CHD8: variants seen among roughly 807,000 people sequenced by gnomAD.
The protein encoded by CHD8 is ATP-dependent chromatin remodeler CHD8.
In CHD8, 31 loss-of-function variants were observed where a neutral mutation model predicts 279.2. That is an observed-to-expected ratio of 0.11 (90% CI 0.08 to 0.15). CHD8 has a LOEUF of 0.15. CHD8 is among the 10% of genes least tolerant of loss of function. The pLI is 1.00. For missense variants in CHD8, 2,146 were observed against 3,230.5 expected (o/e 0.66, Z 8.14); for synonymous variants, 1,081 against 1,139.6 (o/e 0.95, Z 1.04).
intron 10 of CHD8, 62 bp from the exon 11 acceptor site, chr14:21,410,050 A>C: frequency 6.8e-7 from 1 of 1,476,880 alleles, no homozygotes; most frequent in Non-Finnish European, 9.1e-7. Context: ...CCAGTTAAAG[A>C]ATAAAAATTT....
Position 21,431,724 on chromosome 14 carries a change from C to T in CHD8, c.-81G>A. On this transcript the variant is annotated 5_prime_UTR_variant, in exon 2 of 38. Transcript: ENST00000646647. ...GGGTACTGGCTCTCCCCTCCCCTCC[C>T]CTATTAAGAAAAAAATGTACACAAT... 1.2e-6 allele frequency: 2 copies of T among 1,610,304 alleles called. No individual in the cohort carries two copies. The highest frequency in any genetic ancestry group is 2.2e-5 in the South Asian group (2 of 90,688).
At chr14:21,449,044 G>A (rs1890195526) in intron 1 of CHD8, among the ~76,000 whole-genome samples, 1 of 151,920 alleles carries the variant, frequency 6.6e-6, no homozygotes, top group Non-Finnish European at 1.5e-5. Flanking sequence ...CGTGGTGGCG[G>A]GCGCCTGTAG....
chr14:21,415,542 TAA>T (rs1555316448), intron 7 of CHD8, 30 bp downstream of exon 7: 107 of 1,078,752 alleles, frequency 9.9e-5, no homozygotes, highest in Non-Finnish European at 1.2e-4. Context: ...AATAAATAAA[TAA>T]AAATAATAAT....
chr14:21,451,691 C>T (rs577805237), intron 1 of CHD8, among the ~76,000 whole-genome samples: 1 of 150,568 alleles, frequency 6.6e-6, no homozygotes, highest in East Asian at 2.0e-4. Context: ...AAATTACGTG[C>T]TTTAAGTCTC....
At chr14:21,430,226 C>T (rs1319213230) in intron 2 of CHD8, 3 of 155,868 alleles carry the variant, frequency 1.9e-5, no homozygotes, top group Non-Finnish European at 2.8e-5. Flanking sequence ...TTGTGCCTGG[C>T]TAGTCCTAAT....
At position 21,393,469 on chromosome 14, in the gene CHD8, C is replaced by T. The variant is rs1420607919; in HGVS notation, c.6319+7G>A. The T allele has an allele frequency of 1.9e-6, 3 of 1,553,152 alleles. No homozygotes were observed. The highest frequency in any genetic ancestry group is 2.0e-5 in the Admixed American group (1 of 51,042). The stretch of plus-strand genomic sequence containing the variant: ...AAGGGGGCCAACAGCCTGTCACATG[C>T]ACTCACTTAGCTTCTCTTCCTTCTC... On this transcript the variant is annotated splice_region_variant and intron_variant, in intron 32 of 37. Coordinates refer to ENST00000646647, the MANE Select transcript of CHD8 (RefSeq NM_001170629.2).
rs1888067931 is a variant in CHD8, at chr14:21,402,235, G to A, written c.3883-99C>T. 1 of 1,497,244 alleles carries A rather than the reference G, an allele frequency of 6.7e-7. No individual in the cohort carries two copies. The highest frequency in any genetic ancestry group is 1.9e-5 in the Admixed American group (1 of 54,036). 92.7% of individuals were successfully genotyped at this position (1,497,244 alleles called of 1,614,324 possible). A position where few individuals can be genotyped will look rare whatever the true frequency, so the allele number is the denominator to read the frequency against. On this transcript the variant is annotated intron_variant, in intron 19 of 37. Coordinates refer to ENST00000646647, the MANE Select transcript of CHD8 (RefSeq NM_001170629.2). The surrounding 1 kb of genome is among the most constrained non-coding windows in gnomAD (Gnocchi z 4.5). Reference sequence around the variant, plus strand: ...TTATATTTTAAGAAATAATAATTGAGAATCCAAACAAGGTAGTCAAATCCC... The same window carrying A: ...TTATATTTTAAGAAATAATAATTGAAAATCCAAACAAGGTAGTCAAATCCC...
At chr14:21,446,160 C>A (rs1243376932) in intron 1 of CHD8, among the ~76,000 whole-genome samples, 1 of 152,138 alleles carries the variant, frequency 6.6e-6, no homozygotes, top group African/African-American at 2.4e-5. Flanking sequence ...CCACTGCACT[C>A]CAGACTGGGT....
intron 1 of CHD8, among the ~76,000 whole-genome samples, chr14:21,454,684 T>C (rs1459488943): frequency 6.6e-6 from 1 of 152,202 alleles, no homozygotes; most frequent in Non-Finnish European, 1.5e-5. Flanking sequence ...TTGGCCAATA[T>C]CTTTCACTTG....
chr14:21,399,923 ACCAATCTT>A, intron 25 of CHD8, 50 bp downstream of exon 25: 1 of 1,402,376 alleles, frequency 7.1e-7, no homozygotes, highest in Non-Finnish European at 1.0e-6. Flanking sequence ...AAATAAGCAA[ACCAATCTT>A]CCCTCAAATA....
chr14:21,427,270 T>C, intron 4 of CHD8: 1 of 274,560 alleles, frequency 3.6e-6, no homozygotes. Context: ...CAAGGAGTAC[T>C]CAATCTTGAG....
intron 27 of CHD8, chr14:21,397,179 C>T (rs1887824813): frequency 3.5e-6 from 1 of 284,158 alleles, no homozygotes; most frequent in African/African-American, 2.2e-5. Flanking sequence ...GAATAAATAA[C>T]CCAATTTCCT....
intron 1 of CHD8, among the ~76,000 whole-genome samples, chr14:21,448,248 G>T (rs998288928): frequency 1.3e-5 from 2 of 152,080 alleles, no homozygotes; most frequent in East Asian, 3.8e-4. Context: ...CAGTGACATG[G>T]GATTCATGAA....
intron 1 of CHD8, among the ~76,000 whole-genome samples, chr14:21,445,326 C>G (rs1376998574): frequency 6.6e-6 from 1 of 152,018 alleles, no homozygotes; most frequent in East Asian, 1.9e-4. Context: ...AATCCCAGCA[C>G]TTTGGGAGGC....
At chr14:21,392,228 A>G in intron 34 of CHD8, 1 of 755,120 alleles carries the variant, frequency 1.3e-6, no homozygotes, top group African/African-American at 1.7e-5. Flanking sequence ...GTGTCTCCGT[A>G]TTAGCATGGC....
At chr14:21,392,022 G>A (rs1319931489) in intron 34 of CHD8, 76 bp from the exon 35 acceptor site, 4 of 1,047,248 alleles carry the variant, frequency 3.8e-6, no homozygotes, top group Non-Finnish European at 6.0e-6. Context: ...TTTGAGGGAT[G>A]TGGGCTATAG....
rs1459561520 is a variant in CHD8 at position 21,403,714 on chromosome 14, G to A, written c.3308-51C>T. ...TTGAGATCCAGTGAACCATATTAAG[G>A]TTGTAGTCTATTTAACTAAGAAAGC... On this transcript the variant is annotated intron_variant, in intron 16 of 37. Transcript: ENST00000646647. The surrounding 1 kb of genome is among the most constrained non-coding windows in gnomAD (Gnocchi z 4.3). 1.4e-6 allele frequency: 2 copies of A among 1,427,650 alleles called. No individual in the cohort carries two copies. The highest frequency in any genetic ancestry group is 1.9e-6 in the Non-Finnish European group (2 of 1,035,972). 88.4% of individuals were successfully genotyped at this position (1,427,650 alleles called of 1,614,324 possible).
Position 21,395,691 on chromosome 14 carries a change from A to G in CHD8, c.5127+126T>C, listed in dbSNP as rs1018136044. On this transcript the variant is annotated intron_variant, in intron 28 of 37. Coordinates refer to ENST00000646647, the MANE Select transcript of CHD8 (RefSeq NM_001170629.2). ...TTCCATTAATATTTTCTATTCTCAA[A>G]TGGTATAATTCATTTTCCATTTTGT... is the stretch of plus-strand genomic sequence containing the variant. 5 of 691,440 alleles carry G rather than the reference A, an allele frequency of 7.2e-6. No individual in the cohort carries two copies. In the Admixed American group the frequency reaches 1.0e-4, roughly 14 times the overall value. 42.8% of individuals were successfully genotyped at this position (691,440 alleles called of 1,614,324 possible).
At position 21,408,504 on chromosome 14, in the gene CHD8, G is replaced by A. The variant is rs1314527898; in HGVS notation, c.2538C>T (p.Ser846=). The A allele has an allele frequency of 6.2e-7, 1 of 1,613,798 alleles. No individual in the cohort carries two copies. Among genetic ancestry groups the A allele is most frequent in the Non-Finnish European group, 8.5e-7 (1 of 1,179,852 alleles). Residue 846 remains serine (S), a synonymous_variant, in exon 13 of 38, where the codon TCC becomes TCT. Transcript: ENST00000646647. This position sits in a 1 kb window ranked among gnomAD's most constrained non-coding sequence, Gnocchi z 4.3. ...TATATACTTCCTGCAAGAAGGCAAT[G>A]GACTGAATAGTTTTGCCCAATCCCA... is the stretch of plus-strand genomic sequence containing the variant. ...DEMGLGKTIQ[S]IAFLQEVYNV...
Sources: allele counts gnomAD v4.1 joint callset (sites outside exome capture counted in the v4.1 genomes callset), GRCh38; gene constraint gnomAD v4.1.1; non-coding constraint Gnocchi (gnomAD v3.1); transcripts MANE v1.5; gene names NCBI Gene and HGNC (gene_info 2026-07-23, HGNC 2026-07-21).